SNAI1: variants seen among roughly 807,000 people sequenced by gnomAD.
SNAI1 encodes the protein snail family transcriptional repressor 1.
Under a neutral mutation model 24.7 loss-of-function variants are expected in SNAI1, and 15 were observed. The ratio of observed to expected loss-of-function variants is 0.61; its 90% confidence interval spans 0.41 to 0.93. SNAI1 has a LOEUF of 0.93. SNAI1 is among the 40% of genes least tolerant of loss of function. SNAI1 has a pLI of 0.00. For missense variants in SNAI1, 283 were observed against 336.7 expected (o/e 0.84, Z 1.25); for synonymous variants, 163 against 142.9 (o/e 1.14, Z -1.00).
Position 49,983,057 on chromosome 20 carries a change from A to G in SNAI1, c.-3A>G, listed in dbSNP as rs1298972347. The G allele has an allele frequency of 1.9e-6, 3 of 1,612,804 alleles. No homozygotes were observed. Among genetic ancestry groups the G allele is most frequent in the South Asian group, 1.1e-5 (1 of 91,024 alleles). On this transcript the variant is annotated 5_prime_UTR_variant, in exon 1 of 3. Coordinates refer to ENST00000244050, the MANE Select transcript of SNAI1 (RefSeq NM_005985.4). Reference sequence around the variant, plus strand: ...AATCGGCGACCCCAGTGCCTCGACCACTATGCCGCGCTCTTTCCTCGTCAG... The same window carrying G: ...AATCGGCGACCCCAGTGCCTCGACCGCTATGCCGCGCTCTTTCCTCGTCAG...
chr20:49,983,447 G>C (rs2078323191), intron 1 of SNAI1, among the ~76,000 whole-genome samples: 1 of 150,338 alleles, frequency 6.7e-6, no homozygotes, highest in African/African-American at 2.5e-5. Context: ...CCCTCTGGAC[G>C]CTGCTGGGGA....
Position 49,988,093 on chromosome 20 carries a change from T to G in SNAI1, c.*37T>G, listed in dbSNP as rs530704361. 7.8e-6 allele frequency: 12 copies of G among 1,533,542 alleles called. No individual in the cohort carries two copies. In the East Asian group the frequency reaches 2.5e-4, roughly 32 times the overall value. The allele number at this position is 1,533,542 out of a possible 1,614,324, so 95.0% of individuals were successfully genotyped here. ...CCCTCTTCCTCTCCATACCTGCCCC[T>G]GCCTGACAGCCTTCCCCAGCTCCAG... On this transcript the variant is annotated 3_prime_UTR_variant, in exon 3 of 3. Coordinates refer to ENST00000244050, the MANE Select transcript of SNAI1 (RefSeq NM_005985.4).
At position 49,984,065 on chromosome 20, in the gene SNAI1, G is replaced by C; in HGVS notation, c.324G>C (p.Pro108=). The C allele has an allele frequency of 6.2e-7, 1 of 1,614,056 alleles. No individual in the cohort carries two copies. Among genetic ancestry groups the C allele is most frequent in the Non-Finnish European group, 8.5e-7 (1 of 1,179,962 alleles). The change falls in exon 2 of 3, where the codon CCG becomes CCC. Residue 108 remains proline (P), a synonymous_variant. Coordinates refer to ENST00000244050, the MANE Select transcript of SNAI1 (RefSeq NM_005985.4). ...KGSQPPSPPS[P]APSSFSSTSV... ...CCCAGCCCCCCAGCCCACCCTCACC[G>C]GCTCCTTCGTCCTTCTCCTCTACTT...
chr20:49,983,271 G>C, intron 1 of SNAI1, 130 bp downstream of exon 1: 2 of 749,760 alleles, frequency 2.7e-6, no homozygotes. Context: ...ACCATTGCGG[G>C]CTCGGGAGAC....
In SNAI1 at chr20:49,983,975, G is replaced by C; in HGVS notation, c.234G>C (p.Arg78=). ...QAQPIAWASL[R]LQESPRVAEL... ...AGCCAATTGCCTGGGCCTCCCTTCGGCTCCAGGAGAGTCCCAGGGTGGCAG... is the reference window on the plus strand; with the variant it reads ...AGCCAATTGCCTGGGCCTCCCTTCGCCTCCAGGAGAGTCCCAGGGTGGCAG... The change falls in exon 2 of 3, where the codon CGG becomes CGC. Residue 78 remains arginine, a synonymous_variant. Transcript: ENST00000244050. The C allele has an allele frequency of 1.2e-6, 2 of 1,613,538 alleles. No individual in the cohort carries two copies. The highest frequency in any genetic ancestry group is 1.7e-6 in the Non-Finnish European group (2 of 1,179,948).
rs1243798347 is a variant in SNAI1 at position 49,988,023 on chromosome 20, C to T, written c.762C>T (p.His254=). 1 of 1,611,286 alleles carries T rather than the reference C, an allele frequency of 6.2e-7. No homozygotes were observed. Among genetic ancestry groups the T allele is most frequent in the Admixed American group, 1.7e-5 (1 of 59,876 alleles). ...TFSRMSLLHK[H]QESGCSGCPR ...CCCGAATGTCCCTGCTCCACAAGCA[C>T]CAAGAGTCCGGCTGCTCAGGATGTC... Residue 254 remains histidine (H), a synonymous_variant, in exon 3 of 3, where the codon CAC becomes CAT. Coordinates refer to ENST00000244050, the MANE Select transcript of SNAI1 (RefSeq NM_005985.4).
intron 2 of SNAI1, among the ~76,000 whole-genome samples, 175 bp downstream of exon 2, chr20:49,984,526 G>A (rs751725819): frequency 1.3e-5 from 2 of 152,230 alleles, no homozygotes; most frequent in African/African-American, 2.4e-5. Flanking sequence ...TTCTTCATCA[G>A]CTAAGCAGAT....
rs4647957 is a variant in SNAI1, at chr20:49,984,387, C to G, written c.610+36C>G. The G allele has an allele frequency of 4.6e-6, 7 of 1,524,874 alleles. No homozygotes were observed. The African/African-American group carries it at 8.3e-5, about 18-fold the overall frequency. The allele number at this position is 1,524,874 out of a possible 1,614,324, so 94.5% of individuals were successfully genotyped here. A position where few individuals can be genotyped will look rare whatever the true frequency, so the allele number is the denominator to read the frequency against. On this transcript the variant is annotated intron_variant, in intron 2 of 2. Coordinates refer to ENST00000244050, the MANE Select transcript of SNAI1 (RefSeq NM_005985.4). Reference sequence around the variant, plus strand: ...CTCCAGGCGCCCCCACCGTTGCTCTCTCTGGCAGCTTTTGTGAATCTGGGC... The same window carrying G: ...CTCCAGGCGCCCCCACCGTTGCTCTGTCTGGCAGCTTTTGTGAATCTGGGC...
chr20:49,985,927 G>A (rs943682757), intron 2 of SNAI1, among the ~76,000 whole-genome samples: 18 of 152,222 alleles, frequency 1.2e-4, no homozygotes, highest in African/African-American at 4.1e-4. Flanking sequence ...TGCCTCCTGC[G>A]TGTGCACACA....
At position 49,983,080 on chromosome 20, in the gene SNAI1, C is replaced by T. The variant is rs1240628038; in HGVS notation, c.21C>T (p.Val7=). The T allele has an allele frequency of 6.2e-7, 1 of 1,613,790 alleles. No homozygotes were observed. The highest frequency in any genetic ancestry group is 2.2e-5 in the East Asian group (1 of 44,826). Residue 7 remains valine (V), a synonymous_variant, in exon 1 of 3, where the codon GTC becomes GTT. Transcript: ENST00000244050. MPRSFL[V]RKPSDPNRKP... Reference sequence around the variant, plus strand: ...CCACTATGCCGCGCTCTTTCCTCGTCAGGAAGCCCTCCGACCCCAATCGGA... The same window carrying T: ...CCACTATGCCGCGCTCTTTCCTCGTTAGGAAGCCCTCCGACCCCAATCGGA...
chr20:49,984,465 T>C (rs2078327846), intron 2 of SNAI1, 114 bp downstream of exon 2: 1 of 1,103,084 alleles, frequency 9.1e-7, no homozygotes, highest in African/African-American at 1.6e-5. Flanking sequence ...GTCTTCTAAC[T>C]TCTAGCTCAA....
Position 49,988,536 on chromosome 20 carries a change from C to A in SNAI1, c.*480C>A, listed in dbSNP as rs562941389. 6.5e-6 allele frequency: 1 copy of A among 153,342 alleles called. No homozygotes were observed. The allele number at this position is 153,342 out of a possible 1,614,324, so 9.5% of individuals were successfully genotyped here. A position where few individuals can be genotyped will look rare whatever the true frequency, so the allele number is the denominator to read the frequency against. ...CCCCCAGGTGCAGCCCCAGGGCCTG[C>A]GGAGGCGGTGGCAGACTAGAGTCTG... On this transcript the variant is annotated 3_prime_UTR_variant, in exon 3 of 3. Coordinates refer to ENST00000244050, the MANE Select transcript of SNAI1 (RefSeq NM_005985.4).
chr20:49,988,691 G>A lies in SNAI1; in HGVS notation c.*635G>A, dbSNP rs555171436. 6.2e-4 allele frequency: 94 copies of A among 152,700 alleles called. No homozygotes were observed. Among genetic ancestry groups the A allele is most frequent in the Non-Finnish European group, 9.2e-4 (63 of 68,134 alleles). The allele number at this position is 152,700 out of a possible 1,614,324, so 9.5% of individuals were successfully genotyped here. A position where few individuals can be genotyped will look rare whatever the true frequency, so the allele number is the denominator to read the frequency against. ...TGTCACTTGTCGGGGGCCCAAGTGGGGTGCTCTGGTCTGACCGATGTGTCT... is the reference window on the plus strand; with the variant it reads ...TGTCACTTGTCGGGGGCCCAAGTGGAGTGCTCTGGTCTGACCGATGTGTCT... On this transcript the variant is annotated 3_prime_UTR_variant, in exon 3 of 3. Transcript: ENST00000244050.
At chr20:49,984,668 C>G (rs1345553268) in intron 2 of SNAI1, among the ~76,000 whole-genome samples, 2 of 152,224 alleles carry the variant, frequency 1.3e-5, no homozygotes, top group East Asian at 3.8e-4. Flanking sequence ...CCGGCCACAC[C>G]CTCTCCCGGG....
Position 49,983,102 on chromosome 20 carries a change from C to CG in SNAI1, c.45dup (p.Lys16GlufsTer3). 6.2e-7 allele frequency: 1 copy of CG among 1,613,854 alleles called. No homozygotes were observed. Among genetic ancestry groups the CG allele is most frequent in the Non-Finnish European group, 8.5e-7 (1 of 1,179,934 alleles). On this transcript the variant is annotated frameshift_variant, in exon 1 of 3. Coordinates refer to ENST00000244050, the MANE Select transcript of SNAI1 (RefSeq NM_005985.4). LOFTEE classifies it high-confidence loss of function. ...CGTCAGGAAGCCCTCCGACCCCAAT[C>CG]GGAAGCCTAACTACAGCGAGCTGCA...
Position 49,982,999 on chromosome 20 carries a change from T to A in SNAI1, c.-61T>A, listed in dbSNP as rs765296004. The A allele has an allele frequency of 9.1e-7, 1 of 1,096,596 alleles. No homozygotes were observed. The highest frequency in any genetic ancestry group is 1.3e-6 in the Non-Finnish European group (1 of 764,248). 67.9% of individuals were successfully genotyped at this position (1,096,596 alleles called of 1,614,324 possible). On this transcript the variant is annotated 5_prime_UTR_variant, in exon 1 of 3. Coordinates refer to ENST00000244050, the MANE Select transcript of SNAI1 (RefSeq NM_005985.4). ...GCATTCATTGCGCCGCGGCACGGCC[T>A]AGCGAGTGGTTCTTCTGCGCTACTG...
intron 2 of SNAI1, among the ~76,000 whole-genome samples, chr20:49,987,396 C>G (rs1461826258): frequency 6.6e-6 from 1 of 152,154 alleles, no homozygotes; most frequent in Non-Finnish European, 1.5e-5. Flanking sequence ...GCAGTAAGGG[C>G]AGTAGGTGAA....
At chr20:49,984,988 A>G (rs1292800291) in intron 2 of SNAI1, among the ~76,000 whole-genome samples, 1 of 144,798 alleles carries the variant, frequency 6.9e-6, no homozygotes, top group Non-Finnish European at 1.5e-5. Flanking sequence ...GCCTTAGGGG[A>G]AAACTATGAT....
At chr20:49,985,061 C>T (rs778275057) in intron 2 of SNAI1, among the ~76,000 whole-genome samples, 13 of 152,106 alleles carry the variant, frequency 8.5e-5, no homozygotes, top group Non-Finnish European at 1.5e-4. Context: ...TTATTATACC[C>T]GAACGGTTCT....
Sources: allele counts gnomAD v4.1 joint callset (sites outside exome capture counted in the v4.1 genomes callset), GRCh38; gene constraint gnomAD v4.1.1; transcripts MANE v1.5; gene names NCBI Gene and HGNC (gene_info 2026-07-23, HGNC 2026-07-21).